CCDC146: variants seen among roughly 807,000 people sequenced by gnomAD.
The protein encoded by CCDC146 is coiled-coil domain-containing protein 146.
Under a neutral mutation model 119.3 loss-of-function variants are expected in CCDC146, and 92 were observed. The observed-to-expected ratio is 0.77, with a 90% CI of 0.65 to 0.92. CCDC146 has a LOEUF of 0.92. Among genes scored for constraint, CCDC146 ranks in the 40% least tolerant of loss-of-function variants. The probability of loss-of-function intolerance (pLI) is 0.00; values close to 1 mark genes in which losing one functional copy is unlikely to be tolerated. For synonymous variants in CCDC146, 372 were observed against 371.8 expected (o/e 1.00, Z -0.01); for missense variants, 1,000 against 1,103.0 (o/e 0.91, Z 1.32).
At chr7:77,242,696 C>T (rs118130246) in intron 4 of CCDC146, among the ~76,000 whole-genome samples, 2,020 of 152,292 alleles carry the variant, frequency 0.013, 21 homozygotes, top group Non-Finnish European at 0.02. Flanking sequence ...AAAACCGTTT[C>T]TCCTAGAGTT....
At position 77,143,513 on chromosome 7, in the gene CCDC146, T is replaced by A. The variant is rs531837706; in HGVS notation, c.-12+20781T>A. Reference sequence around the variant, plus strand: ...GCCCATGCCTATGTCCTGAATGGTATTGCCTAGGTTTTCTTCTAGGGTTTT... The same window carrying A: ...GCCCATGCCTATGTCCTGAATGGTAATGCCTAGGTTTTCTTCTAGGGTTTT... On this transcript the variant is annotated intron_variant, in intron 1 of 18. Coordinates refer to ENST00000285871, the MANE Select transcript of CCDC146 (RefSeq NM_020879.3). Among the ~76,000 whole-genome samples the A allele has an allele frequency of 9.9e-4, 151 of 152,140 alleles. 1 individual carries two copies. The East Asian group carries it at 0.024, about 24-fold the overall frequency.
intron 2 of CCDC146, among the ~76,000 whole-genome samples, chr7:77,177,831 T>C (rs1791523093): frequency 6.6e-6 from 1 of 152,210 alleles, no homozygotes; most frequent in Non-Finnish European, 1.5e-5. Context: ...GCAAGAATAA[T>C]TTTTCAAGAT....
At chr7:77,249,694 A>G (rs1252221739) in intron 4 of CCDC146, among the ~76,000 whole-genome samples, 1 of 151,990 alleles carries the variant, frequency 6.6e-6, no homozygotes, top group Non-Finnish European at 1.5e-5. Flanking sequence ...ATGTGTCTTT[A>G]TATTTAAACT....
At chr7:77,230,608 T>C (rs1173836600) in intron 2 of CCDC146, among the ~76,000 whole-genome samples, 2 of 152,150 alleles carry the variant, frequency 1.3e-5, no homozygotes, top group Admixed American at 1.3e-4. Flanking sequence ...GATTCCCTTG[T>C]ACATAATAAG....
At chr7:77,226,766 C>G (rs1257940866) in intron 2 of CCDC146, among the ~76,000 whole-genome samples, 1 of 152,178 alleles carries the variant, frequency 6.6e-6, no homozygotes, top group Admixed American at 6.5e-5. Flanking sequence ...ACATGACAAA[C>G]TTGAGTTCTG....
At chr7:77,180,998 C>G (rs1791578717) in intron 2 of CCDC146, among the ~76,000 whole-genome samples, 4 of 151,938 alleles carry the variant, frequency 2.6e-5, no homozygotes, top group Admixed American at 2.0e-4. Context: ...ATATGTTTAC[C>G]ATTTAAAGTT....
intron 18 of CCDC146, among the ~76,000 whole-genome samples, chr7:77,293,974 C>G (rs545493708): frequency 6.6e-6 from 1 of 152,326 alleles, no homozygotes; most frequent in Admixed American, 6.5e-5. Flanking sequence ...TTCCACACCA[C>G]CTGGGACTGT....
intron 10 of CCDC146, 83 bp downstream of exon 10, chr7:77,273,872 A>G (rs1223787846): frequency 2.5e-6 from 2 of 810,684 alleles, no homozygotes; most frequent in Non-Finnish European, 4.1e-6. Context: ...ACAAAACCTT[A>G]TCAATAAGAG....
intron 2 of CCDC146, among the ~76,000 whole-genome samples, chr7:77,220,491 TTAAAG>T (rs745848708): frequency 2.0e-5 from 3 of 152,164 alleles, no homozygotes; most frequent in South Asian, 2.1e-4. Flanking sequence ...GATTAAGAGA[TTAAAG>T]TAAAGACAGG....
intron 2 of CCDC146, among the ~76,000 whole-genome samples, chr7:77,213,536 T>C (rs1485020502): frequency 3.3e-5 from 5 of 152,236 alleles, no homozygotes; most frequent in African/African-American, 1.2e-4. Flanking sequence ...ACAGGTATAC[T>C]GCATAATGTT....
At chr7:77,228,881 G>A (rs1422605968) in intron 2 of CCDC146, among the ~76,000 whole-genome samples, 1 of 152,226 alleles carries the variant, frequency 6.6e-6, no homozygotes, top group Non-Finnish European at 1.5e-5. Context: ...AGGATGTGCA[G>A]GTTTATTACA....
At chr7:77,204,843 G>A (rs1223714893) in intron 2 of CCDC146, among the ~76,000 whole-genome samples, 1 of 152,144 alleles carries the variant, frequency 6.6e-6, no homozygotes, top group Admixed American at 6.5e-5. Flanking sequence ...AGCCAGCCAG[G>A]TGCGGTAGCT....
intron 17 of CCDC146, among the ~76,000 whole-genome samples, chr7:77,289,537 A>T (rs1793906436): frequency 1.3e-5 from 2 of 152,244 alleles, no homozygotes; most frequent in South Asian, 4.1e-4. Flanking sequence ...GTAGAAAATG[A>T]CCTTGAGAAA....
intron 2 of CCDC146, among the ~76,000 whole-genome samples, chr7:77,172,636 C>G (rs1791439998): frequency 6.6e-6 from 1 of 152,178 alleles, no homozygotes; most frequent in Non-Finnish European, 1.5e-5. Context: ...ACAATCTAGT[C>G]ATTCACTTAG....
At chr7:77,185,623 T>C (rs1791655544) in intron 2 of CCDC146, among the ~76,000 whole-genome samples, 1 of 152,186 alleles carries the variant, frequency 6.6e-6, no homozygotes, top group Non-Finnish European at 1.5e-5. Flanking sequence ...CCAAGAAGGA[T>C]AGGTACAAAC....
intron 1 of CCDC146, among the ~76,000 whole-genome samples, chr7:77,130,857 A>G (rs1790774885): frequency 6.8e-6 from 1 of 147,804 alleles, no homozygotes; most frequent in South Asian, 2.1e-4. Context: ...TGGGCCTCCC[A>G]AAGTGCTGGG....
chr7:77,166,883 C>T (rs1190529373), intron 1 of CCDC146, among the ~76,000 whole-genome samples: 1 of 152,068 alleles, frequency 6.6e-6, no homozygotes, highest in Non-Finnish European at 1.5e-5. Flanking sequence ...AGCAGTTGCC[C>T]ACAGCAATTA....
At chr7:77,157,974 C>T (rs1791202520) in intron 1 of CCDC146, among the ~76,000 whole-genome samples, 1 of 152,184 alleles carries the variant, frequency 6.6e-6, no homozygotes, top group South Asian at 2.1e-4. Context: ...CAGATTGTTT[C>T]CTTGCCTCTA....
At chr7:77,228,252 A>G (rs1643976549) in intron 2 of CCDC146, among the ~76,000 whole-genome samples, 1 of 152,138 alleles carries the variant, frequency 6.6e-6, no homozygotes, top group South Asian at 2.1e-4. Flanking sequence ...TTATTTCATC[A>G]CCCAGGTATT....
Sources: allele counts gnomAD v4.1 joint callset (sites outside exome capture counted in the v4.1 genomes callset), GRCh38; gene constraint gnomAD v4.1.1; transcripts MANE v1.5; gene names NCBI Gene and HGNC (gene_info 2026-07-23, HGNC 2026-07-21).